Variants in GSE1 observed in about 807,000 individuals in gnomAD.
GSE1 encodes the protein genetic suppressor element 1.
In GSE1, 32 loss-of-function variants were observed where a neutral mutation model predicts 112.6. That is an observed-to-expected ratio of 0.28 (90% CI 0.21 to 0.38). The LOEUF is 0.38. GSE1 is among the 10% of genes least tolerant of loss of function. The pLI, the probability that GSE1 is intolerant of heterozygous loss-of-function variation, is 1.00. For synonymous variants in GSE1, 1,115 were observed against 735.6 expected, an observed-to-expected ratio of 1.52 and a Z score of -8.35; for missense variants, 2,348 against 1,699.2, an observed-to-expected ratio of 1.38 and a Z score of -6.71.
chr16:85,379,852 G>A (rs2047507275), intron 2 of GSE1, among the ~76,000 whole-genome samples: 1 of 152,206 alleles, frequency 6.6e-6, no homozygotes, highest in Admixed American at 6.5e-5. Context: ...CTGGCCTAAG[G>A]TCACCAAAGA....
At chr16:85,415,969 A>T (rs531489528) in intron 2 of GSE1, among the ~76,000 whole-genome samples, 2 of 152,346 alleles carry the variant, frequency 1.3e-5, no homozygotes, top group South Asian at 4.1e-4. Flanking sequence ...CAGCCCAGGG[A>T]TACATTAAAT....
chr16:85,310,708 G>A (rs561780142), intron 1 of GSE1, among the ~76,000 whole-genome samples: 11 of 152,158 alleles, frequency 7.2e-5, no homozygotes, highest in African/African-American at 2.6e-4. Context: ...GGGAGAGATG[G>A]AGCCTGATGT....
intron 1 of GSE1, chr16:85,592,913 A>T (rs2047059976): frequency 6.6e-6 from 1 of 152,290 alleles, no homozygotes; most frequent in South Asian, 2.1e-4. Context: ...GACCAGCTCT[A>T]GGCGAGGGTG....
chr16:85,577,132 C>T (rs1188560191), intron 1 of GSE1, among the ~76,000 whole-genome samples: 5 of 151,332 alleles, frequency 3.3e-5, no homozygotes, highest in South Asian at 2.1e-4. Context: ...ACAGTCAGGA[C>T]GCTGGGGTCC....
At chr16:85,322,907 C>A (rs775034216) in intron 1 of GSE1, among the ~76,000 whole-genome samples, 1 of 152,186 alleles carries the variant, frequency 6.6e-6, no homozygotes, top group African/African-American at 2.4e-5. Context: ...TGAGCCACCA[C>A]GCCCAGCCTC....
At chr16:85,646,905 G>A (rs974100231) in intron 2 of GSE1, among the ~76,000 whole-genome samples, 2 of 151,792 alleles carry the variant, frequency 1.3e-5, no homozygotes, top group Admixed American at 6.6e-5. Context: ...GGGGGGGTGG[G>A]GGCTCCGGAA....
intron 1 of GSE1, among the ~76,000 whole-genome samples, chr16:85,556,557 G>A (rs1485650502): frequency 6.6e-6 from 1 of 151,470 alleles, no homozygotes; most frequent in Non-Finnish European, 1.5e-5. Context: ...TACGTGCGGC[G>A]GGGAGCGCCC....
chr16:85,226,636 G>C (rs983775062), intron 1 of GSE1, among the ~76,000 whole-genome samples: 2 of 152,166 alleles, frequency 1.3e-5, no homozygotes, highest in African/African-American at 4.8e-5. Context: ...GCTGTTGTGA[G>C]GTTTAGATAG....
At chr16:85,276,418 T>C (rs1909368939) in intron 1 of GSE1, among the ~76,000 whole-genome samples, 1 of 152,194 alleles carries the variant, frequency 6.6e-6, no homozygotes, top group African/African-American at 2.4e-5. Flanking sequence ...GGTCAGCGAT[T>C]TGTTCACCCA....
chr16:85,530,799 C>A (rs1004330845), intron 2 of GSE1, among the ~76,000 whole-genome samples: 1 of 152,212 alleles, frequency 6.6e-6, no homozygotes, highest in African/African-American at 2.4e-5. Flanking sequence ...TGGGTGTCAT[C>A]GGAGGAGGGA....
intron 1 of GSE1, among the ~76,000 whole-genome samples, chr16:85,208,444 C>T (rs910147265): frequency 2.0e-5 from 3 of 152,322 alleles, no homozygotes; most frequent in South Asian, 2.1e-4. Flanking sequence ...CTGGACCAGG[C>T]CCCTTCCCTG....
intron 2 of GSE1, among the ~76,000 whole-genome samples, chr16:85,641,671 G>T (rs1179786003): frequency 1.3e-5 from 2 of 152,258 alleles, no homozygotes; most frequent in Non-Finnish European, 2.9e-5. Context: ...TGTGCGATGG[G>T]GACTTCACCT....
At chr16:85,346,427 C>CCGGT (rs1193661488) in intron 1 of GSE1, among the ~76,000 whole-genome samples, 1 of 11,476 alleles carries the variant, frequency 8.7e-5, no homozygotes, top group Non-Finnish European at 1.4e-3. Flanking sequence ...GGGTGATGGA[C>CCGGT]AGGTGGATGG....
chr16:85,603,405 C>T (rs574242602), intron 1 of GSE1, among the ~76,000 whole-genome samples: 8 of 152,236 alleles, frequency 5.3e-5, no homozygotes, highest in Non-Finnish European at 1.2e-4. Context: ...AAGGGAGTTT[C>T]CAGGGGATGC....
chr16:85,253,663 C>A (rs1349254424), intron 1 of GSE1, among the ~76,000 whole-genome samples: 1 of 152,228 alleles, frequency 6.6e-6, no homozygotes, highest in African/African-American at 2.4e-5. Context: ...GAAGGACATC[C>A]CGCCCAGCCT....
In GSE1 at chr16:85,253,976, C is replaced by T. The variant is rs560786849; in HGVS notation, c.2283+82169C>T. 4.1e-4 allele frequency among the ~76,000 whole-genome samples: 63 copies of T among 152,296 alleles called. No homozygotes were observed. The East Asian group carries it at 8.3e-3, about 20-fold the overall frequency. On this transcript the variant is annotated intron_variant, in intron 1 of 2. Coordinates refer to the GSE1 transcript ENST00000637419. The stretch of plus-strand genomic sequence containing the variant: ...AAACATGTCTGGATGTCTGGAGCAT[C>T]GTGTCTGGAAGGTGTGGGATGGAGC...
chr16:85,644,027 T>A (rs950783954), intron 2 of GSE1, among the ~76,000 whole-genome samples: 4 of 152,104 alleles, frequency 2.6e-5, no homozygotes, highest in African/African-American at 7.2e-5. Context: ...AGGAGGGCTT[T>A]CCATGAAGTA....
intron 1 of GSE1, among the ~76,000 whole-genome samples, chr16:85,351,043 G>A (rs760871243): frequency 6.6e-6 from 1 of 152,208 alleles, no homozygotes; most frequent in Non-Finnish European, 1.5e-5. Flanking sequence ...GCCTCCCAAG[G>A]TGCCACTCTC....
intron 3 of GSE1, among the ~76,000 whole-genome samples, chr16:85,649,136 G>A (rs956796266): frequency 6.6e-6 from 1 of 152,134 alleles, no homozygotes; most frequent in Admixed American, 6.5e-5. Context: ...TCTGGGTCCT[G>A]ATCTCCTCTT....
Sources: gnomAD v4.1 joint callset for allele counts (sites outside exome capture counted in the v4.1 genomes callset) on GRCh38, gnomAD v4.1.1 for gene constraint, MANE v1.5 for transcripts, NCBI Gene and HGNC (gene_info 2026-07-23, HGNC 2026-07-21) for gene names.